ST6GAL2: variants seen among roughly 807,000 people sequenced by gnomAD.
ST6GAL2 encodes the protein ST6 beta-galactoside alpha-2,6-sialyltransferase 2.
A neutral mutation model predicts 37.5 loss-of-function variants in ST6GAL2; 24 were observed. The observed-to-expected ratio is 0.64, with a 90% CI of 0.46 to 0.90. The LOEUF is 0.90. Among genes scored for constraint, ST6GAL2 ranks in the 40% least tolerant of loss-of-function variants. ST6GAL2 has a pLI of 0.00. For synonymous variants in ST6GAL2, 306 were observed against 295.1 expected, an observed-to-expected ratio of 1.04 and a Z score of -0.38; for missense variants, 715 against 712.7, an observed-to-expected ratio of 1.00 and a Z score of -0.04.
intron 1 of ST6GAL2, among the ~76,000 whole-genome samples, chr2:106,844,263 C>T (rs1285789039): frequency 6.6e-6 from 1 of 150,768 alleles, no homozygotes; most frequent in Non-Finnish European, 1.5e-5. Context: ...CTCACCATCT[C>T]AGGTGAGTCT....
intron 5 of ST6GAL2, among the ~76,000 whole-genome samples, chr2:106,822,006 T>C (rs1190099133): frequency 1.3e-5 from 2 of 152,046 alleles, no homozygotes; most frequent in African/African-American, 4.8e-5. Flanking sequence ...AGGAACATAA[T>C]TCAACACAAT....
At chr2:106,857,708 T>G (rs1677634381) in intron 1 of ST6GAL2, among the ~76,000 whole-genome samples, 2 of 152,178 alleles carry the variant, frequency 1.3e-5, no homozygotes, top group Admixed American at 1.3e-4. Context: ...ATATGGCCCT[T>G]CAAAGAAATT....
At chr2:106,862,794 C>A (rs919889966) in intron 1 of ST6GAL2, among the ~76,000 whole-genome samples, 4 of 152,078 alleles carry the variant, frequency 2.6e-5, no homozygotes, top group African/African-American at 9.7e-5. Context: ...CAACCTGAGG[C>A]AGGGCATAGA....
At position 106,884,121 on chromosome 2, in the gene ST6GAL2, G is replaced by A. The variant is rs962314066; in HGVS notation, c.-58+1972C>T. Among the ~76,000 whole-genome samples the A allele has an allele frequency of 1.2e-4, 19 of 152,218 alleles. 1 individual carries two copies. The East Asian group carries it at 3.1e-3, about 25-fold the overall frequency. ...ATCATCTCAGAAAGAAGAGAAACTC[G>A]GGGGTGGGGGGGTGGAACCTCCAGA... On this transcript the variant is annotated intron_variant, in intron 1 of 5. Coordinates refer to ENST00000409382, the MANE Select transcript of ST6GAL2 (RefSeq NM_001142351.2).
rs1454292204 is a variant in ST6GAL2, at chr2:106,805,888, A to C, written c.*790T>G. Reference sequence around the variant, plus strand: ...CCAGAACCGGGGAGTGTCCAGGGGCACCTGCAGCCCTGTGATTCTATGTTA... The same window carrying C: ...CCAGAACCGGGGAGTGTCCAGGGGCCCCTGCAGCCCTGTGATTCTATGTTA... On this transcript the variant is annotated 3_prime_UTR_variant, in exon 6 of 6. Transcript: ENST00000409382. 1 of 152,228 alleles carries C rather than the reference A, an allele frequency of 6.6e-6. No individual in the cohort carries two copies. The highest frequency in any genetic ancestry group is 1.5e-5 in the Non-Finnish European group (1 of 68,110). The allele number at this position is 152,228 out of a possible 1,614,324, so 9.4% of individuals were successfully genotyped here. A position where few individuals can be genotyped will look rare whatever the true frequency, so the allele number is the denominator to read the frequency against.
intron 3 of ST6GAL2, among the ~76,000 whole-genome samples, chr2:106,833,397 G>A (rs549715787): frequency 1.1e-4 from 16 of 152,200 alleles, no homozygotes; most frequent in African/African-American, 2.4e-4. Flanking sequence ...CTTACCTTGC[G>A]GCAGGCTGCC....
chr2:106,809,684 C>A (rs1193048422), intron 5 of ST6GAL2, among the ~76,000 whole-genome samples: 1 of 152,122 alleles, frequency 6.6e-6, no homozygotes, highest in East Asian at 1.9e-4. Context: ...GTGCTGGGGT[C>A]CAGGAATCTG....
intron 3 of ST6GAL2, among the ~76,000 whole-genome samples, chr2:106,833,194 T>C (rs560033822): frequency 6.6e-6 from 1 of 152,350 alleles, no homozygotes; most frequent in East Asian, 1.9e-4. Context: ...GATACTTTTT[T>C]TTTTTAACCA....
chr2:106,873,399 T>G (rs994508966), intron 1 of ST6GAL2, among the ~76,000 whole-genome samples: 1 of 152,214 alleles, frequency 6.6e-6, no homozygotes, highest in Non-Finnish European at 1.5e-5. Context: ...TCAAATTTCA[T>G]AGATGATTCT....
chr2:106,884,948 CACAT>C, intron 1 of ST6GAL2, among the ~76,000 whole-genome samples: 1 of 120,668 alleles, frequency 8.3e-6, no homozygotes, highest in Non-Finnish European at 1.8e-5. Context: ...TACACACACA[CACAT>C]ATATACATAT....
chr2:106,843,544 T>G lies in ST6GAL2; in HGVS notation c.434A>C (p.Gln145Pro), dbSNP rs568673606. 32 of 1,614,044 alleles carry G rather than the reference T, an allele frequency of 2.0e-5. No homozygotes were observed. Among genetic ancestry groups the G allele is most frequent in the African/African-American group, 1.5e-4 (11 of 75,062 alleles). ...GGGGGAAGGGAATCCCAATGTCCCCTGAGTGTGGCTGTGCCACCCTGGCTG... is the reference window on the plus strand; with the variant it reads ...GGGGGAAGGGAATCCCAATGTCCCCGGAGTGTGGCTGTGCCACCCTGGCTG... ...AGQPGWHSHT[Q>P]GTLGFPSPGE... is the part of the protein sequence containing the mutation. Residue 145 changes from glutamine to proline, a missense_variant, in exon 2 of 6, where the codon CAG becomes CCG. Gln to Pro is a moderately conservative substitution (Grantham distance 76). This residue lies in a region of ST6GAL2 where 512 missense variants were observed against 488.8 expected (regional missense o/e 1.05). Transcript: ENST00000409382.
intron 1 of ST6GAL2, among the ~76,000 whole-genome samples, chr2:106,870,443 A>T (rs150813208): frequency 3.3e-5 from 5 of 152,166 alleles, no homozygotes; most frequent in Admixed American, 3.3e-4. Context: ...CCAGTTTTCT[A>T]GGAAGCCACA....
intron 1 of ST6GAL2, among the ~76,000 whole-genome samples, chr2:106,874,666 C>T (rs1678426626): frequency 6.6e-6 from 1 of 152,126 alleles, no homozygotes; most frequent in Admixed American, 6.5e-5. Flanking sequence ...ACTGCTTCCC[C>T]TCAATTTTTT....
At chr2:106,870,945 T>C (rs1171885913) in intron 1 of ST6GAL2, among the ~76,000 whole-genome samples, 5 of 152,150 alleles carry the variant, frequency 3.3e-5, no homozygotes, top group Non-Finnish European at 7.3e-5. Flanking sequence ...AAATTTAATA[T>C]AGTCATGCCA....
chr2:106,828,283 T>C (rs1422787504), intron 5 of ST6GAL2, among the ~76,000 whole-genome samples: 1 of 152,232 alleles, frequency 6.6e-6, no homozygotes, highest in African/African-American at 2.4e-5. Flanking sequence ...AAAAAGACTT[T>C]ATTAAACTTC....
intron 5 of ST6GAL2, among the ~76,000 whole-genome samples, chr2:106,827,992 C>A (rs1361777199): frequency 1.3e-5 from 2 of 152,174 alleles, no homozygotes; most frequent in Admixed American, 1.3e-4. Flanking sequence ...CAAACTGCAG[C>A]CCCTTCTTCA....
intron 1 of ST6GAL2, among the ~76,000 whole-genome samples, chr2:106,868,386 C>A (rs1337630460): frequency 6.6e-6 from 1 of 152,178 alleles, no homozygotes; most frequent in Non-Finnish European, 1.5e-5. Context: ...TCACAGGCTG[C>A]CCTCTACAGC....
chr2:106,861,110 A>G (rs967955780), intron 1 of ST6GAL2, among the ~76,000 whole-genome samples: 3 of 152,216 alleles, frequency 2.0e-5, no homozygotes, highest in Non-Finnish European at 2.9e-5. Flanking sequence ...TCATCAGACT[A>G]TGAACATAAA....
In ST6GAL2 at chr2:106,803,058, T is replaced by G. The variant is rs778060218; in HGVS notation, c.*3620A>C. Reference sequence around the variant, plus strand: ...ATGTGTTACTGCTCAGAAGAGTCAATCAGCAGCGTAAGTATGATCTGTCCA... The same window carrying G: ...ATGTGTTACTGCTCAGAAGAGTCAAGCAGCAGCGTAAGTATGATCTGTCCA... On this transcript the variant is annotated 3_prime_UTR_variant, in exon 6 of 6. Coordinates refer to ENST00000409382, the MANE Select transcript of ST6GAL2 (RefSeq NM_001142351.2). 1.3e-5 allele frequency: 2 copies of G among 152,198 alleles called. No individual in the cohort carries two copies. Among genetic ancestry groups the G allele is most frequent in the Non-Finnish European group, 2.9e-5 (2 of 68,048 alleles). The allele number at this position is 152,198 out of a possible 1,614,324, so 9.4% of individuals were successfully genotyped here.
Sources: allele counts gnomAD v4.1 joint callset (sites outside exome capture counted in the v4.1 genomes callset), GRCh38; gene constraint gnomAD v4.1.1; regional missense constraint gnomAD v4.1.1; transcripts MANE v1.5; gene names NCBI Gene and HGNC (gene_info 2026-07-23, HGNC 2026-07-21).